TMPRSS11D: variants seen among roughly 807,000 people sequenced by gnomAD.
TMPRSS11D encodes transmembrane serine protease 11D.
TMPRSS11D carries 32 observed loss-of-function variants against 44.4 expected under a neutral mutation model. The ratio of observed to expected loss-of-function variants is 0.72; its 90% confidence interval spans 0.54 to 0.97. The LOEUF (loss-of-function observed/expected upper bound fraction) is 0.97. Ranked by LOEUF, TMPRSS11D falls within the 50% of genes least tolerant of loss-of-function variation. The probability of loss-of-function intolerance (pLI) is 0.00; values close to 1 mark genes in which losing one functional copy is unlikely to be tolerated. For synonymous variants in TMPRSS11D, 179 were observed against 177.9 expected, an observed-to-expected ratio of 1.01 and a Z score of -0.05; for missense variants, 446 against 502.6, an observed-to-expected ratio of 0.89 and a Z score of 1.08.
chr4:67,873,324 T>C (rs1719105687), intron 1 of TMPRSS11D, among the ~76,000 whole-genome samples: 1 of 152,192 alleles, frequency 6.6e-6, no homozygotes, highest in African/African-American at 2.4e-5. Flanking sequence ...TTTCAGTGTT[T>C]CTGCAGGAGA....
intron 2 of TMPRSS11D, among the ~76,000 whole-genome samples, chr4:67,856,214 A>G (rs1718630927): frequency 6.6e-6 from 1 of 152,160 alleles, no homozygotes; most frequent in South Asian, 2.1e-4. Context: ...TGAAGACATC[A>G]CACCACCTGA....
chr4:67,870,877 G>T (rs913791031), intron 1 of TMPRSS11D, among the ~76,000 whole-genome samples: 1 of 148,892 alleles, frequency 6.7e-6, no homozygotes, highest in South Asian at 2.1e-4. Flanking sequence ...TTATTATTTT[G>T]CAGTACACTT....
chr4:67,848,931 ATC>A (rs1718428948), intron 3 of TMPRSS11D, among the ~76,000 whole-genome samples: 1 of 152,218 alleles, frequency 6.6e-6, no homozygotes. Flanking sequence ...TTTGAGAACA[ATC>A]TGTCTTGCTA....
At chr4:67,881,794 A>G (rs1372300667) in intron 1 of TMPRSS11D, among the ~76,000 whole-genome samples, 1 of 152,228 alleles carries the variant, frequency 6.6e-6, no homozygotes, top group African/African-American at 2.4e-5. Flanking sequence ...GAGCACAGAC[A>G]AAAGGGAAGA....
At chr4:67,852,334 C>T (rs763105894) in intron 3 of TMPRSS11D, among the ~76,000 whole-genome samples, 1 of 151,940 alleles carries the variant, frequency 6.6e-6, no homozygotes, top group African/African-American at 2.4e-5. Flanking sequence ...AGTGGGGCTC[C>T]GAGAAGAAAA....
rs1717648887 is a variant in TMPRSS11D at position 67,821,765 on chromosome 4, T to C, written c.*572A>G. 1 of 152,150 alleles carries C rather than the reference T, an allele frequency of 6.6e-6. No homozygotes were observed. Among genetic ancestry groups the C allele is most frequent in the African/African-American group, 2.4e-5 (1 of 41,428 alleles). 9.4% of individuals were successfully genotyped at this position (152,150 alleles called of 1,614,324 possible). ...ATGGAAGCATGTTCTTACAGAATAA[T>C]TAAGGTTAGGTTATACGTATAGTAC... On this transcript the variant is annotated 3_prime_UTR_variant, in exon 10 of 10. Coordinates refer to ENST00000283916, the MANE Select transcript of TMPRSS11D (RefSeq NM_004262.3).
intron 1 of TMPRSS11D, among the ~76,000 whole-genome samples, chr4:67,867,691 A>G (rs1718958650): frequency 6.6e-6 from 1 of 152,120 alleles, no homozygotes; most frequent in Admixed American, 6.5e-5. Context: ...ATTTCTCAAG[A>G]GACATACAAA....
At chr4:67,842,715 G>A (rs1420194905) in intron 3 of TMPRSS11D, 90 bp from the exon 4 acceptor site, 2 of 1,195,690 alleles carry the variant, frequency 1.7e-6, no homozygotes, top group African/African-American at 3.1e-5. Context: ...ATGTTAATGA[G>A]GAGTAGAAAA....
chr4:67,824,625 A>G (rs1294152976), intron 9 of TMPRSS11D, among the ~76,000 whole-genome samples: 4 of 152,156 alleles, frequency 2.6e-5, no homozygotes, highest in African/African-American at 9.7e-5. Flanking sequence ...TGCAGTTGAT[A>G]AAAATGTTTC....
At chr4:67,834,827 G>A (rs1405936387) in intron 6 of TMPRSS11D, among the ~76,000 whole-genome samples, 1 of 152,112 alleles carries the variant, frequency 6.6e-6, no homozygotes, top group East Asian at 1.9e-4. Context: ...AAATTTTCAT[G>A]AGGGCAATTT....
In TMPRSS11D at chr4:67,859,453, A is replaced by T; in HGVS notation, c.130+104T>A. On this transcript the variant is annotated intron_variant, in intron 2 of 9. Transcript: ENST00000283916. ...TATAAGTAAGATATATAATCACATT[A>T]TATTAAGAAATAAAAGCCATAGTAA... 6 of 1,290,526 alleles carry T rather than the reference A, an allele frequency of 4.6e-6. No homozygotes were observed. In the South Asian group the frequency reaches 5.9e-5, roughly 13 times the overall value. 79.9% of individuals were successfully genotyped at this position (1,290,526 alleles called of 1,614,324 possible).
At chr4:67,831,689 T>C (rs1717950563) in intron 7 of TMPRSS11D, among the ~76,000 whole-genome samples, 1 of 152,142 alleles carries the variant, frequency 6.6e-6, no homozygotes, top group South Asian at 2.1e-4. Context: ...TTTTGGCCTT[T>C]CAAGTGGCAA....
intron 7 of TMPRSS11D, 137 bp from the exon 8 acceptor site, chr4:67,827,657 T>TAAGCTGGCAAGTA (rs1461981670): frequency 1.0e-6 from 1 of 978,088 alleles, no homozygotes; most frequent in Non-Finnish European, 1.4e-6. Flanking sequence ...TCCTGCATTA[T>TAAGCTGGCAAGTA]AAGCTGGCAA....
At chr4:67,832,333 C>T (rs918076337) in intron 7 of TMPRSS11D, among the ~76,000 whole-genome samples, 3 of 151,942 alleles carry the variant, frequency 2.0e-5, no homozygotes, top group South Asian at 2.1e-4. Flanking sequence ...GTTAAGTTCC[C>T]AACAACTGTT....
intron 2 of TMPRSS11D, 25 bp from the exon 3 acceptor site, chr4:67,854,211 T>G: frequency 1.7e-6 from 2 of 1,188,490 alleles, no homozygotes; most frequent in Non-Finnish European, 2.5e-6. Context: ...AAAGGGAAGG[T>G]CAGTCTTACT....
intron 4 of TMPRSS11D, among the ~76,000 whole-genome samples, chr4:67,839,983 C>A (rs1718193852): frequency 7.6e-6 from 1 of 132,348 alleles, no homozygotes; most frequent in African/African-American, 2.8e-5. Context: ...CCTCCCCCCT[C>A]CCCCGACAAC....
intron 3 of TMPRSS11D, among the ~76,000 whole-genome samples, chr4:67,853,628 A>G (rs942168142): frequency 2.0e-5 from 3 of 152,164 alleles, no homozygotes; most frequent in Non-Finnish European, 1.5e-5. Context: ...TCAAACTTCT[A>G]TGTCTATCAT....
intron 1 of TMPRSS11D, among the ~76,000 whole-genome samples, chr4:67,877,715 C>T (rs1335516115): frequency 6.6e-6 from 1 of 152,126 alleles, no homozygotes; most frequent in Non-Finnish European, 1.5e-5. Context: ...TACTTGACAC[C>T]TCTCTCATCC....
chr4:67,820,957 A>G lies in TMPRSS11D; in HGVS notation c.*1380T>C, dbSNP rs976826175. 6.6e-6 allele frequency: 1 copy of G among 152,186 alleles called. No individual in the cohort carries two copies. Among genetic ancestry groups the G allele is most frequent in the Non-Finnish European group, 1.5e-5 (1 of 68,030 alleles). The allele number at this position is 152,186 out of a possible 1,614,324, so 9.4% of individuals were successfully genotyped here. A position where few individuals can be genotyped will look rare whatever the true frequency, so the allele number is the denominator to read the frequency against. On this transcript the variant is annotated 3_prime_UTR_variant, in exon 10 of 10. Transcript: ENST00000283916. ...TCGCCAAGAGTTGGTTGCATTTTCA[A>G]CTCCCTTTCCCTAAAAGTAGATGGC...
Sources: allele counts gnomAD v4.1 joint callset (sites outside exome capture counted in the v4.1 genomes callset), GRCh38; gene constraint gnomAD v4.1.1; transcripts MANE v1.5; gene names NCBI Gene and HGNC (gene_info 2026-07-23, HGNC 2026-07-21).